BIVM: variants seen among roughly 807,000 people sequenced by gnomAD.
The protein encoded by BIVM is basic immunoglobulin-like variable motif-containing protein.
Under a neutral mutation model 61.4 loss-of-function variants are expected in BIVM, and 31 were observed. The ratio of observed to expected loss-of-function variants is 0.51; its 90% CI spans 0.38 to 0.68. BIVM has a LOEUF of 0.68. Ranked by LOEUF, BIVM falls within the 30% of genes least tolerant of loss-of-function variation. The probability of loss-of-function intolerance (pLI) is 0.00; values close to 1 mark genes in which losing one functional copy is unlikely to be tolerated. For missense variants in BIVM, 526 were observed against 596.0 expected (o/e 0.88, Z 1.22); for synonymous variants, 189 against 210.7 (o/e 0.90, Z 0.89).
chr13:102,818,988 C>G (rs1880058152), intron 4 of BIVM, among the ~76,000 whole-genome samples: 1 of 151,372 alleles, frequency 6.6e-6, no homozygotes, highest in Admixed American at 6.6e-5. Flanking sequence ...TAAAATAATC[C>G]CCAAAATTGA....
Position 102,838,756 on chromosome 13 carries a change from T to A in BIVM, c.1218+17T>A, listed in dbSNP as rs748142078. 7.5e-6 allele frequency: 12 copies of A among 1,605,158 alleles called. No individual in the cohort carries two copies. Among genetic ancestry groups the A allele is most frequent in the African/African-American group, 5.4e-5 (4 of 74,566 alleles). Reference sequence around the variant, plus strand: ...ACAAAGAAGGTAAGAAGAACACCATTGTGTTTGAAGGCATTTCCCAGCTGA... The same window carrying A: ...ACAAAGAAGGTAAGAAGAACACCATAGTGTTTGAAGGCATTTCCCAGCTGA... On this transcript the variant is annotated intron_variant, in intron 10 of 10. Transcript: ENST00000257336.
chr13:102,823,145 C>T (rs1880414109), intron 7 of BIVM, among the ~76,000 whole-genome samples: 1 of 152,184 alleles, frequency 6.6e-6, no homozygotes, highest in Non-Finnish European at 1.5e-5. Flanking sequence ...CATGCTAAAA[C>T]TGGACACAGA....
At position 102,839,820 on chromosome 13, in the gene BIVM, G is replaced by A. The variant is rs776995006; in HGVS notation, c.1467G>A (p.Arg489=). ...AGATGTCTAGTATCCATGAGAGAAG[G>A]AACAGTGGTTACCAGGGTTACAGTG... ...WKKMSSIHER[R]NSGYQGYSDY... is the part of the protein sequence containing the mutation. Residue 489 remains arginine, a synonymous_variant, in exon 11 of 11, where the codon AGG becomes AGA. Coordinates refer to ENST00000257336, the MANE Select transcript of BIVM (RefSeq NM_017693.4). 6.2e-7 allele frequency: 1 copy of A among 1,613,870 alleles called. No homozygotes were observed. The highest frequency in any genetic ancestry group is 1.1e-5 in the South Asian group (1 of 91,082).
rs189801284 is a variant in BIVM, at chr13:102,807,638, A to C, written c.371A>C (p.Glu124Ala). The change falls in exon 3 of 11, where the codon GAA becomes GCA. Residue 124 changes from glutamate to alanine, a missense_variant. By Grantham distance (107) the Glu-to-Ala change is moderately radical. Around this residue, in one of 3 missense-constraint regions of BIVM, gnomAD observed 312 missense variants for 343.8 expected, o/e 0.91. Transcript: ENST00000257336. This position sits in a 1 kb window ranked among gnomAD's most constrained non-coding sequence, Gnocchi z 4.0. The stretch of plus-strand genomic sequence containing the variant: ...ACATCGGAAATTATCTACAATGAAG[A>C]AAATAGCTTGGAAAACTTATCCAAC... ...TSTSEIIYNE[E>A]NSLENLSNSL... The C allele has an allele frequency of 6.8e-6, 11 of 1,614,178 alleles. No individual in the cohort carries two copies. The East Asian group carries it at 2.0e-4, about 29-fold the overall frequency.
At chr13:102,809,995 G>A (rs1879384989) in intron 3 of BIVM, among the ~76,000 whole-genome samples, 1 of 151,844 alleles carries the variant, frequency 6.6e-6, no homozygotes, top group Non-Finnish European at 1.5e-5. Context: ...CCGTGGTCTC[G>A]ACCTCCTGAC....
chr13:102,813,688 G>C (rs1368422738), intron 3 of BIVM, among the ~76,000 whole-genome samples: 1 of 152,094 alleles, frequency 6.6e-6, no homozygotes, highest in African/African-American at 2.4e-5. Context: ...GGCAACTCTG[G>C]TATATTCCTT....
chr13:102,820,223 A>G (rs1447158255), intron 4 of BIVM, among the ~76,000 whole-genome samples: 2 of 151,960 alleles, frequency 1.3e-5, no homozygotes, highest in East Asian at 1.9e-4. Flanking sequence ...GTGGTGGCGC[A>G]CGCCTGTCGT....
Position 102,799,218 on chromosome 13 carries a change from A to G in BIVM, c.-510A>G. On this transcript the variant is annotated 5_prime_UTR_variant, in exon 1 of 11. Transcript: ENST00000257336. Reference sequence around the variant, plus strand: ...CGCTTTCGGGGGACAGATAAACACCACAGATGCCCATCAAAGGGGCGCACG... The same window carrying G: ...CGCTTTCGGGGGACAGATAAACACCGCAGATGCCCATCAAAGGGGCGCACG... The G allele has an allele frequency of 5.9e-6, 2 of 339,672 alleles. No individual in the cohort carries two copies. Among genetic ancestry groups the G allele is most frequent in the Non-Finnish European group, 1.1e-5 (2 of 189,302 alleles). 21.0% of individuals were successfully genotyped at this position (339,672 alleles called of 1,614,324 possible). A position where few individuals can be genotyped will look rare whatever the true frequency, so the allele number is the denominator to read the frequency against.
rs1054321612 is a variant in BIVM, at chr13:102,818,140, G to C, written c.605+1586G>C. Reference sequence around the variant, plus strand: ...AAATATGAAGGGTTGGAGGGTGAAGGGTCTTTGAAAGAATTACAGCAAAGT... The same window carrying C: ...AAATATGAAGGGTTGGAGGGTGAAGCGTCTTTGAAAGAATTACAGCAAAGT... On this transcript the variant is annotated intron_variant, in intron 4 of 10. Transcript: ENST00000257336. Among the ~76,000 whole-genome samples the C allele has an allele frequency of 3.3e-5, 5 of 152,154 alleles. No homozygotes were observed. The East Asian group carries it at 9.6e-4, about 29-fold the overall frequency.
intron 3 of BIVM, among the ~76,000 whole-genome samples, chr13:102,812,830 C>T (rs1375103943): frequency 2.0e-5 from 3 of 152,164 alleles, no homozygotes; most frequent in Non-Finnish European, 4.4e-5. Flanking sequence ...GGGAGAGTTG[C>T]AACAATGGCT....
intron 8 of BIVM, 65 bp from the exon 9 acceptor site, chr13:102,834,401 A>G (rs1284968130): frequency 1.4e-6 from 2 of 1,442,092 alleles, no homozygotes; most frequent in African/African-American, 2.9e-5. Context: ...TTATTAATAT[A>G]TATTTGAAGC....
chr13:102,819,510 G>A (rs1174811687), intron 4 of BIVM, among the ~76,000 whole-genome samples: 1 of 152,048 alleles, frequency 6.6e-6, no homozygotes, highest in Non-Finnish European at 1.5e-5. Context: ...TACAGATTTA[G>A]GGCTCGTGGC....
chr13:102,811,533 TTTTA>T (rs747393205), intron 3 of BIVM, among the ~76,000 whole-genome samples: 3 of 152,254 alleles, frequency 2.0e-5, no homozygotes, highest in Non-Finnish European at 4.4e-5. Context: ...TTTTTAAATT[TTTTA>T]TTTGATACGG....
At chr13:102,806,966 T>C (rs1879151558) in intron 2 of BIVM, among the ~76,000 whole-genome samples, 180 bp from the exon 3 acceptor site, 1 of 152,152 alleles carries the variant, frequency 6.6e-6, no homozygotes, top group African/African-American at 2.4e-5. Flanking sequence ...TATTTGAAAA[T>C]AATTTAATGC....
intron 3 of BIVM, among the ~76,000 whole-genome samples, 196 bp from the exon 4 acceptor site, chr13:102,816,229 ACAT>A (rs1879859699): frequency 6.6e-6 from 1 of 152,238 alleles, no homozygotes; most frequent in Non-Finnish European, 1.5e-5. Flanking sequence ...TATTGAAAAT[ACAT>A]GTATTACTTC....
intron 10 of BIVM, 58 bp from the exon 11 acceptor site, chr13:102,839,514 C>T: frequency 6.3e-7 from 1 of 1,581,284 alleles, no homozygotes; most frequent in Non-Finnish European, 8.6e-7. Flanking sequence ...TAGGGACCTA[C>T]AAATTAGTAC....
Position 102,839,962 on chromosome 13 carries a change from A to AG in BIVM, c.*99dup. On this transcript the variant is annotated 3_prime_UTR_variant, in exon 11 of 11. Coordinates refer to ENST00000257336, the MANE Select transcript of BIVM (RefSeq NM_017693.4). ...AGATTTTAGTAAGCCTACATTAAAT[A>AG]GGAGCAGATCTTGTGGTATAAAAAA... 1 of 1,281,618 alleles carries AG rather than the reference A, an allele frequency of 7.8e-7. No homozygotes were observed. Among genetic ancestry groups the AG allele is most frequent in the South Asian group, 1.5e-5 (1 of 68,300 alleles). 79.4% of individuals were successfully genotyped at this position (1,281,618 alleles called of 1,614,324 possible).
chr13:102,806,924 T>C (rs1228249537), intron 2 of BIVM, among the ~76,000 whole-genome samples: 11 of 151,688 alleles, frequency 7.3e-5, no homozygotes, highest in Admixed American at 5.9e-4. Flanking sequence ...AAAAAAAAAA[T>C]TGGGCTATTT....
intron 3 of BIVM, among the ~76,000 whole-genome samples, chr13:102,814,356 T>A (rs1879719487): frequency 6.6e-6 from 1 of 152,156 alleles, no homozygotes; most frequent in Non-Finnish European, 1.5e-5. Flanking sequence ...AGTGCGGGCA[T>A]TTTATGAAGT....
Sources: allele counts gnomAD v4.1 joint callset (sites outside exome capture counted in the v4.1 genomes callset), GRCh38; gene constraint gnomAD v4.1.1; regional missense constraint gnomAD v4.1.1; non-coding constraint Gnocchi (gnomAD v3.1); transcripts MANE v1.5; gene names NCBI Gene and HGNC (gene_info 2026-07-23, HGNC 2026-07-21).